The following RABGAP1L variants were observed in gnomAD, a reference collection of about 807,000 sequenced individuals.
The protein encoded by RABGAP1L is RAB GTPase activating protein 1 like, also known as rab GTPase-activating protein 1-like.
Under a neutral mutation model 137.7 loss-of-function variants are expected in RABGAP1L, and 63 were observed. The observed-to-expected ratio is 0.46, with a 90% CI of 0.37 to 0.56. The LOEUF is 0.56. RABGAP1L is among the 20% of genes least tolerant of loss of function. The pLI, the probability that RABGAP1L is intolerant of heterozygous loss-of-function variation, is 0.00. For missense variants in RABGAP1L, 1,095 were observed against 1,244.0 expected (o/e 0.88, Z 1.80); for synonymous variants, 431 against 433.7 (o/e 0.99, Z 0.08).
intron 13 of RABGAP1L, among the ~76,000 whole-genome samples, chr1:174,513,098 T>C (rs1284137451): frequency 6.6e-6 from 1 of 152,176 alleles, no homozygotes; most frequent in African/African-American, 2.4e-5. Context: ...GTTAATATTA[T>C]AGCCAAATGA....
chr1:174,556,543 G>A (rs1359114258), intron 13 of RABGAP1L, among the ~76,000 whole-genome samples: 1 of 152,172 alleles, frequency 6.6e-6, no homozygotes, highest in Non-Finnish European at 1.5e-5. Flanking sequence ...TGGTTGTACT[G>A]GTGGCAAAAG....
intron 1 of RABGAP1L, among the ~76,000 whole-genome samples, chr1:174,211,918 A>C (rs1668922419): frequency 6.6e-6 from 1 of 152,202 alleles, no homozygotes; most frequent in Non-Finnish European, 1.5e-5. Flanking sequence ...AGGTCAATTC[A>C]GCAAGAGGAT....
chr1:174,617,002 T>G (rs746393734), intron 13 of RABGAP1L, among the ~76,000 whole-genome samples: 1 of 152,078 alleles, frequency 6.6e-6, no homozygotes, highest in African/African-American at 2.4e-5. Flanking sequence ...CCCTTGAAAG[T>G]GTGGAGAGTA....
intron 19 of RABGAP1L, among the ~76,000 whole-genome samples, chr1:174,932,591 T>C (rs1664029516): frequency 6.6e-6 from 1 of 152,196 alleles, no homozygotes; most frequent in Admixed American, 6.5e-5. Flanking sequence ...TCTGCAAGGT[T>C]CTTTATGTAA....
chr1:174,333,827 C>T (rs1192094838), intron 11 of RABGAP1L, among the ~76,000 whole-genome samples: 1 of 152,090 alleles, frequency 6.6e-6, no homozygotes, highest in East Asian at 1.9e-4. Context: ...TATGTTTCCA[C>T]AGTATTGTTA....
intron 1 of RABGAP1L, among the ~76,000 whole-genome samples, chr1:174,174,210 AC>A (rs1665650287): frequency 7.0e-6 from 1 of 142,330 alleles, no homozygotes. Context: ...ACACACACAC[AC>A]ACACACACAC....
intron 1 of RABGAP1L, among the ~76,000 whole-genome samples, chr1:174,215,873 C>T (rs1272130885): frequency 1.3e-5 from 2 of 150,904 alleles, no homozygotes; most frequent in Non-Finnish European, 3.0e-5. Flanking sequence ...TGCAGCACTA[C>T]TCACAGCAGC....
At chr1:174,659,492 G>A (rs1178506647) in intron 14 of RABGAP1L, among the ~76,000 whole-genome samples, 1 of 151,998 alleles carries the variant, frequency 6.6e-6, no homozygotes, top group Admixed American at 6.6e-5. Flanking sequence ...TCTTCACTTG[G>A]CTTCTACTAC....
intron 20 of RABGAP1L, chr1:174,957,755 A>G: frequency 1.3e-6 from 1 of 779,864 alleles, no homozygotes; most frequent in Non-Finnish European, 2.1e-6. Flanking sequence ...TTCTTAAAGC[A>G]GCAGTTGTGG....
chr1:174,347,769 C>T (rs1337482396), intron 11 of RABGAP1L, among the ~76,000 whole-genome samples: 2 of 152,214 alleles, frequency 1.3e-5, no homozygotes, highest in Admixed American at 6.5e-5. Context: ...GCTAGGATTA[C>T]AGGCGTGAGC....
chr1:174,231,470 G>C, intron 4 of RABGAP1L, 115 bp downstream of exon 4: 2 of 926,828 alleles, frequency 2.2e-6, no homozygotes, highest in South Asian at 3.0e-5. Context: ...TAGACATGCA[G>C]AGTAAACATG....
At chr1:174,548,432 G>A (rs914446135) in intron 13 of RABGAP1L, 110 of 962,102 alleles carry the variant, frequency 1.1e-4, no homozygotes, top group Non-Finnish European at 1.2e-4. Flanking sequence ...ACTTGCTTTT[G>A]CTTATATATG....
chr1:174,986,046 C>T (rs192210055), intron 24 of RABGAP1L, among the ~76,000 whole-genome samples: 1 of 152,218 alleles, frequency 6.6e-6, no homozygotes, highest in Non-Finnish European at 1.5e-5. Flanking sequence ...TCAAGCTATT[C>T]TCCTGCCTCA....
Position 174,327,369 on chromosome 1 carries a change from A to G in RABGAP1L, c.1465+22242A>G, listed in dbSNP as rs7521488. Among the ~76,000 whole-genome samples, 558 of 152,268 alleles carry G rather than the reference A, an allele frequency of 3.7e-3. 5 individuals carry two copies. The highest frequency in any genetic ancestry group is 0.012 in the African/African-American group (480 of 41,580). On this transcript the variant is annotated intron_variant, in intron 11 of 25. Coordinates refer to ENST00000681986, the MANE Select transcript of RABGAP1L (RefSeq NM_001366446.1). ...ATAAAAAGATGTAAATTATGATATC[A>G]AAATATGAAATATGGGAGAGCAATG...
intron 19 of RABGAP1L, among the ~76,000 whole-genome samples, chr1:174,917,433 T>C (rs914748788): frequency 6.6e-5 from 10 of 152,218 alleles, no homozygotes; most frequent in African/African-American, 2.4e-4. Context: ...GACACTGTTA[T>C]GGCGATTGCA....
chr1:174,250,427 T>C, intron 5 of RABGAP1L, 48 bp from the exon 6 acceptor site: 1 of 1,448,590 alleles, frequency 6.9e-7, no homozygotes, highest in Non-Finnish European at 9.4e-7. Flanking sequence ...GATATCAGAA[T>C]GCAATTAAAA....
chr1:174,190,962 C>T (rs1209205755), intron 1 of RABGAP1L, among the ~76,000 whole-genome samples: 1 of 152,138 alleles, frequency 6.6e-6, no homozygotes, highest in African/African-American at 2.4e-5. Flanking sequence ...GATGGAAGAA[C>T]GGCTAGTTGG....
At chr1:174,654,741 A>G (rs573310478) in intron 14 of RABGAP1L, among the ~76,000 whole-genome samples, 5 of 152,296 alleles carry the variant, frequency 3.3e-5, no homozygotes, top group Non-Finnish European at 7.4e-5. Context: ...GCAATGTTAC[A>G]TAAAAGGAAA....
At chr1:174,647,359 CT>C (rs1362625139) in intron 14 of RABGAP1L, among the ~76,000 whole-genome samples, 1 of 151,978 alleles carries the variant, frequency 6.6e-6, no homozygotes, top group African/African-American at 2.4e-5. Flanking sequence ...ATAAATAGCT[CT>C]TATTATTTTG....
Sources: gnomAD v4.1 joint callset for allele counts (sites outside exome capture counted in the v4.1 genomes callset) on GRCh38, gnomAD v4.1.1 for gene constraint, MANE v1.5 for transcripts, NCBI Gene and HGNC (gene_info 2026-07-23, HGNC 2026-07-21) for gene names.